The following C14orf93 variants were observed in gnomAD, a reference collection of about 807,000 sequenced individuals.
The protein encoded by C14orf93 is chromosome 14 open reading frame 93, also known as uncharacterized protein C14orf93.
C14orf93 carries 23 observed loss-of-function variants against 44.0 expected under a neutral mutation model. The observed-to-expected ratio is 0.52, with a 90% CI of 0.38 to 0.74. C14orf93 has a LOEUF of 0.74. C14orf93 is among the 30% of genes least tolerant of loss of function. The pLI is 0.00. For missense variants in C14orf93, 579 were observed against 678.9 expected, an observed-to-expected ratio of 0.85 and a Z score of 1.64; for synonymous variants, 253 against 265.7, an observed-to-expected ratio of 0.95 and a Z score of 0.46.
chr14:23,003,722 AC>A (rs2046422311), intron 1 of C14orf93, among the ~76,000 whole-genome samples: 1 of 149,782 alleles, frequency 6.7e-6, no homozygotes, highest in African/African-American at 2.5e-5. Context: ...GATGGCTTGA[AC>A]CCAGGAGGCA....
chr14:22,997,678 T>C (rs1407210390), intron 2 of C14orf93, among the ~76,000 whole-genome samples: 1 of 152,166 alleles, frequency 6.6e-6, no homozygotes, highest in African/African-American at 2.4e-5. Flanking sequence ...CTTTTCCTGC[T>C]CACAAAATAT....
intron 3 of C14orf93, among the ~76,000 whole-genome samples, chr14:22,995,540 G>A (rs191777141): frequency 6.6e-6 from 1 of 151,910 alleles, no homozygotes; most frequent in African/African-American, 2.4e-5. Flanking sequence ...ATTAGCTGGG[G>A]GTGGTGGCAC....
At chr14:22,991,269 G>A (rs1275702778) in intron 3 of C14orf93, among the ~76,000 whole-genome samples, 4 of 148,776 alleles carry the variant, frequency 2.7e-5, no homozygotes, top group Non-Finnish European at 5.9e-5. Context: ...GCTCATGCCT[G>A]TAATCCCAGT....
intron 2 of C14orf93, among the ~76,000 whole-genome samples, chr14:22,997,736 T>G (rs952424049): frequency 1.3e-5 from 2 of 152,028 alleles, no homozygotes; most frequent in Non-Finnish European, 2.9e-5. Flanking sequence ...TATATGTTAT[T>G]CTCTTACTGT....
At position 22,996,183 on chromosome 14, in the gene C14orf93, T is replaced by C; in HGVS notation, c.683A>G (p.Gln228Arg). The C allele has an allele frequency of 6.2e-7, 1 of 1,613,462 alleles. No individual in the cohort carries two copies. The highest frequency in any genetic ancestry group is 1.3e-5 in the African/African-American group (1 of 75,030). ...TGGGGTTGCCCGCTGGATTGCCAGT[T>C]GTGTGGCTGGTGAGAGTTGCTTGGC... ...AYAKQLSPATQLAIQRATPET... is the reference protein window; with the variant it reads ...AYAKQLSPATRLAIQRATPET... The change falls in exon 3 of 7, where the codon CAA becomes CGA. Residue 228 changes from glutamine (Q) to arginine (R), a missense_variant. Physicochemically the swap from Gln to Arg is conservative, Grantham distance 43. Transcript: ENST00000299088. The surrounding 1 kb of genome is among the most constrained non-coding windows in gnomAD (Gnocchi z 4.1).
At position 22,998,995 on chromosome 14, in the gene C14orf93, G is replaced by A; in HGVS notation, c.29C>T (p.Ser10Phe). Reference protein sequence around the residue: MSFSATILFSPPSGSEARCC... With the variant: MSFSATILFFPPSGSEARCC... ...TCTGGCCTCGCTGCCACTGGGAGGGGAGAAGAGAATGGTGGCACTGAAGGA... is the reference window on the plus strand; with the variant it reads ...TCTGGCCTCGCTGCCACTGGGAGGGAAGAAGAGAATGGTGGCACTGAAGGA... The change falls in exon 2 of 7, where the codon TCC becomes TTC. Residue 10 changes from serine (S) to phenylalanine (F), a missense_variant. Coordinates refer to ENST00000299088, the MANE Select transcript of C14orf93 (RefSeq NM_021944.4). 2.5e-6 allele frequency: 4 copies of A among 1,612,512 alleles called. No homozygotes were observed. The highest frequency in any genetic ancestry group is 1.7e-6 in the Non-Finnish European group (2 of 1,179,814).
intron 3 of C14orf93, among the ~76,000 whole-genome samples, chr14:22,992,632 C>CA (rs1351657550): frequency 6.6e-6 from 1 of 151,320 alleles, no homozygotes; most frequent in Non-Finnish European, 1.5e-5. Context: ...GGCTGGGGTG[C>CA]AGTGGCGTGA....
Position 22,998,823 on chromosome 14 carries a change from C to T in C14orf93, c.201G>A (p.Gln67=), listed in dbSNP as rs917355740. The T allele has an allele frequency of 6.2e-7, 1 of 1,614,054 alleles. No homozygotes were observed. The highest frequency in any genetic ancestry group is 8.5e-7 in the Non-Finnish European group (1 of 1,180,038). The change falls in exon 2 of 7, where the codon CAG becomes CAA. Residue 67 remains glutamine (Q), a synonymous_variant. Transcript: ENST00000299088. ...CCAAACCCACTGCCTTATCGACCCGCTGGTAGATAACATGCAGGAGCTGCT... is the reference window on the plus strand; with the variant it reads ...CCAAACCCACTGCCTTATCGACCCGTTGGTAGATAACATGCAGGAGCTGCT... ...SSEQLLHVIY[Q]RVDKAVGLAE...
chr14:23,007,998 C>T (rs948532725), intron 1 of C14orf93, among the ~76,000 whole-genome samples: 11 of 151,812 alleles, frequency 7.2e-5, no homozygotes, highest in African/African-American at 2.7e-4. Flanking sequence ...ACTAAAAATA[C>T]AAAAATCAGC....
chr14:22,995,540 G>T (rs191777141), intron 3 of C14orf93, among the ~76,000 whole-genome samples: 260 of 152,028 alleles, frequency 1.7e-3, no homozygotes, highest in Non-Finnish European at 3.0e-3. Context: ...ATTAGCTGGG[G>T]GTGGTGGCAC....
At chr14:22,993,433 CATT>C (rs2045781068) in intron 3 of C14orf93, among the ~76,000 whole-genome samples, 1 of 152,084 alleles carries the variant, frequency 6.6e-6, no homozygotes, top group Admixed American at 6.6e-5. Flanking sequence ...TAAAAAGGAC[CATT>C]ATTATACTAG....
intron 1 of C14orf93, among the ~76,000 whole-genome samples, chr14:23,002,429 G>A (rs1383814356): frequency 1.4e-5 from 2 of 146,254 alleles, no homozygotes; most frequent in East Asian, 3.9e-4. Flanking sequence ...TCCAGACTGG[G>A]TGATGGAACG....
Position 22,987,555 on chromosome 14 carries a change from A to G in C14orf93, c.1277T>C (p.Leu426Pro). The G allele has an allele frequency of 6.2e-7, 1 of 1,614,180 alleles. No individual in the cohort carries two copies. Among genetic ancestry groups the G allele is most frequent in the Non-Finnish European group, 8.5e-7 (1 of 1,180,018 alleles). The change falls in exon 7 of 7, where the codon CTG (leucine) becomes CCG (proline). Residue 426 changes from leucine (L) to proline (P), a missense_variant. Physicochemically the swap from Leu to Pro is moderately conservative, Grantham distance 98. Coordinates refer to ENST00000299088, the MANE Select transcript of C14orf93 (RefSeq NM_021944.4). The surrounding 1 kb of genome is among the most constrained non-coding windows in gnomAD (Gnocchi z 5.6). ...QRLWNDVTEE[L>P]MSDEEDSLNE... ...AAGACTGTCCTCTTCATCTGACATC[A>G]GTTCCTCTGTCACATCATTCCACAG...
chr14:22,990,385 C>T (rs2045524897), intron 3 of C14orf93, among the ~76,000 whole-genome samples: 1 of 152,204 alleles, frequency 6.6e-6, no homozygotes, highest in Non-Finnish European at 1.5e-5. Context: ...GGGTCTCAAA[C>T]ATTTCCATGA....
rs1040759178 is a variant in C14orf93, at chr14:22,986,874, G to C, written c.*341C>G. On this transcript the variant is annotated 3_prime_UTR_variant, in exon 7 of 7. Coordinates refer to ENST00000299088, the MANE Select transcript of C14orf93 (RefSeq NM_021944.4). ...CAGAGCTTTGGGTGGAACTGGGCAG[G>C]GGCAGAAACAACTCAGAGACAGGGC... 6.1e-5 allele frequency: 18 copies of C among 296,792 alleles called. No homozygotes were observed. The South Asian group carries it at 7.3e-4, about 12-fold the overall frequency. The allele number at this position is 296,792 out of a possible 1,614,324, so 18.4% of individuals were successfully genotyped here.
intron 5 of C14orf93, among the ~76,000 whole-genome samples, chr14:22,988,926 TA>T (rs1003076890): frequency 6.6e-6 from 1 of 151,720 alleles, no homozygotes; most frequent in South Asian, 2.1e-4. Flanking sequence ...AGTCTCTATT[TA>T]AAAAAAAATT....
chr14:23,005,847 A>C (rs910036931), intron 1 of C14orf93: 3 of 152,204 alleles, frequency 2.0e-5, no homozygotes, highest in African/African-American at 7.2e-5. Context: ...CCATAATTTT[A>C]ACTATCCCTT....
In C14orf93 at chr14:22,987,270, G is replaced by C; in HGVS notation, c.1562C>G (p.Thr521Ser). ...GSPSFDQPHKTCCPDLNSFIE... is the reference protein window; with the variant it reads ...GSPSFDQPHKSCCPDLNSFIE... ...GAATGAGTTCAAGTCAGGACAGCAG[G>C]TTTTGTGGGGTTGGTCAAAAGATGG... is the stretch of plus-strand genomic sequence containing the variant. Residue 521 changes from threonine (T) to serine (S), a missense_variant, in exon 7 of 7, where the codon ACC becomes AGC. By Grantham distance (58) the Thr-to-Ser change is moderately conservative (BLOSUM62 1). Coordinates refer to ENST00000299088, the MANE Select transcript of C14orf93 (RefSeq NM_021944.4). The surrounding 1 kb of genome is among the most constrained non-coding windows in gnomAD (Gnocchi z 5.6). The C allele has an allele frequency of 6.2e-7, 1 of 1,614,222 alleles. No homozygotes were observed. The highest frequency in any genetic ancestry group is 2.2e-5 in the East Asian group (1 of 44,890).
At chr14:22,989,705 G>T in intron 5 of C14orf93, 37 bp downstream of exon 5, 1 of 1,383,174 alleles carries the variant, frequency 7.2e-7, no homozygotes, top group Non-Finnish European at 1.0e-6. Context: ...GAGAGGGGGA[G>T]AAAGGATGGC....
Sources: allele counts gnomAD v4.1 joint callset (sites outside exome capture counted in the v4.1 genomes callset), GRCh38; gene constraint gnomAD v4.1.1; non-coding constraint Gnocchi (gnomAD v3.1); transcripts MANE v1.5; gene names NCBI Gene and HGNC (gene_info 2026-07-23, HGNC 2026-07-21).